The following THRB variants were observed in gnomAD, a reference collection of about 807,000 sequenced individuals.
THRB encodes the protein thyroid hormone receptor beta.
Under a neutral mutation model 47.8 loss-of-function variants are expected in THRB, and 12 were observed. The observed-to-expected ratio is 0.25, with a 90% CI of 0.16 to 0.41. The LOEUF is 0.41. Ranked by LOEUF, THRB falls within the 10% of genes least tolerant of loss-of-function variation. The pLI is 1.00. For synonymous variants in THRB, 218 were observed against 212.2 expected, an observed-to-expected ratio of 1.03 and a Z score of -0.24; for missense variants, 348 against 589.2, an observed-to-expected ratio of 0.59 and a Z score of 4.24.
intron 1 of THRB, among the ~76,000 whole-genome samples, chr3:24,373,556 C>A (rs1560045652): frequency 6.6e-6 from 1 of 152,086 alleles, no homozygotes; most frequent in Non-Finnish European, 1.5e-5. Context: ...GCCACACAGA[C>A]CTCGATGAGC....
At chr3:24,439,212 G>A (rs1410703390) in intron 1 of THRB, among the ~76,000 whole-genome samples, 1 of 152,144 alleles carries the variant, frequency 6.6e-6, no homozygotes, top group East Asian at 1.9e-4. Flanking sequence ...AGATGTCATT[G>A]TCAAGGGCAA....
At position 24,397,083 on chromosome 3, in the gene THRB, T is replaced by C. The variant is rs550508680; in HGVS notation, c.-260-59712A>G. ...CCAGGGAAACAATTAGAACTCAGCA[T>C]AGATATTATCATTTAAATTCAGTTT... is the stretch of plus-strand genomic sequence containing the variant. On this transcript the variant is annotated intron_variant, in intron 1 of 10. Coordinates refer to ENST00000646209, the MANE Select transcript of THRB (RefSeq NM_001354712.2). 2.0e-4 allele frequency among the ~76,000 whole-genome samples: 31 copies of C among 152,244 alleles called. No individual in the cohort carries two copies. The South Asian group carries it at 2.5e-3, about 12-fold the overall frequency.
intron 2 of THRB, among the ~76,000 whole-genome samples, chr3:24,332,839 G>T (rs1023931514): frequency 3.3e-5 from 5 of 152,080 alleles, no homozygotes; most frequent in African/African-American, 1.2e-4. Context: ...GGCGGATCAC[G>T]AGGTCAGGAG....
At position 24,155,813 on chromosome 3, in the gene THRB, A is replaced by T. The variant is rs368212521; in HGVS notation, c.284-3323T>A. 4.6e-5 allele frequency among the ~76,000 whole-genome samples: 7 copies of T among 152,300 alleles called. No individual in the cohort carries two copies. The East Asian group carries it at 1.2e-3, about 25-fold the overall frequency. ...TTCTGCCTAGAAACAAATACTACAG[A>T]CACAATCCTGGAAGCTACGACTGTT... On this transcript the variant is annotated intron_variant, in intron 5 of 10. Coordinates refer to ENST00000646209, the MANE Select transcript of THRB (RefSeq NM_001354712.2).
chr3:24,407,303 T>C (rs1262704668), intron 1 of THRB, among the ~76,000 whole-genome samples: 1 of 151,506 alleles, frequency 6.6e-6, no homozygotes, highest in Non-Finnish European at 1.5e-5. Context: ...CTGCTGATCC[T>C]GGGAAAGGTT....
At chr3:24,290,567 T>C (rs2055817841) in intron 3 of THRB, among the ~76,000 whole-genome samples, 1 of 152,342 alleles carries the variant, frequency 6.6e-6, no homozygotes, top group South Asian at 2.1e-4. Flanking sequence ...AAGTTTTGAT[T>C]CTCTGACAAC....
chr3:24,289,944 C>T (rs552728446), intron 3 of THRB, among the ~76,000 whole-genome samples: 2 of 152,136 alleles, frequency 1.3e-5, no homozygotes, highest in African/African-American at 2.4e-5. Context: ...CAGTGTCTTT[C>T]ATGAAAAACC....
At chr3:24,164,672 G>C (rs777787265) in intron 5 of THRB, among the ~76,000 whole-genome samples, 1 of 152,134 alleles carries the variant, frequency 6.6e-6, no homozygotes, top group Non-Finnish European at 1.5e-5. Context: ...CTGAACTAGA[G>C]AGAATTATCT....
chr3:24,219,825 G>A (rs2046976708), intron 4 of THRB, among the ~76,000 whole-genome samples: 1 of 152,188 alleles, frequency 6.6e-6, no homozygotes. Context: ...AAGATGGTTG[G>A]ATAGAACTTT....
At chr3:24,353,550 T>C (rs1275386560) in intron 1 of THRB, among the ~76,000 whole-genome samples, 1 of 152,164 alleles carries the variant, frequency 6.6e-6, no homozygotes, top group Non-Finnish European at 1.5e-5. Context: ...CTAGTTACTT[T>C]GTCACTTTCC....
intron 1 of THRB, among the ~76,000 whole-genome samples, chr3:24,358,474 C>CT (rs1417758920): frequency 1.3e-5 from 2 of 152,078 alleles, no homozygotes; most frequent in Non-Finnish European, 2.9e-5. Flanking sequence ...GTGTATTCAG[C>CT]TTTGTTATTT....
intron 4 of THRB, among the ~76,000 whole-genome samples, chr3:24,220,647 T>C (rs1048883480): frequency 6.6e-5 from 10 of 151,820 alleles, no homozygotes; most frequent in African/African-American, 2.4e-4. Context: ...TCTCTAGGAG[T>C]TTTGAGGGAG....
intron 3 of THRB, among the ~76,000 whole-genome samples, chr3:24,259,972 T>C (rs1054270306): frequency 6.6e-6 from 1 of 152,066 alleles, no homozygotes; most frequent in African/African-American, 2.4e-5. Context: ...ATTCACAGAG[T>C]TGTGTGGTCA....
chr3:24,387,260 G>A (rs918721164), intron 1 of THRB, among the ~76,000 whole-genome samples: 63 of 152,014 alleles, frequency 4.1e-4, no homozygotes, highest in Admixed American at 4.1e-3. Flanking sequence ...ATTCATTCAT[G>A]TCTTCCAAAT....
intron 4 of THRB, 127 bp from the exon 5 acceptor site, chr3:24,190,461 C>A (rs79864911): frequency 2.5e-6 from 3 of 1,200,956 alleles, no homozygotes; most frequent in African/African-American, 3.0e-5. Flanking sequence ...TGCCACTTGA[C>A]GGGAGTGATA....
At chr3:24,425,830 G>A (rs2069704807) in intron 1 of THRB, among the ~76,000 whole-genome samples, 2 of 151,924 alleles carry the variant, frequency 1.3e-5, no homozygotes, top group South Asian at 4.1e-4. Context: ...TAACCTCTCA[G>A]TGCTTTGGTT....
rs1241422080 is a variant in THRB, at chr3:24,120,482, G to C, written c.*2402C>G. 2.0e-5 allele frequency: 3 copies of C among 152,250 alleles called. No individual in the cohort carries two copies. The highest frequency in any genetic ancestry group is 4.4e-5 in the Non-Finnish European group (3 of 68,056). 9.4% of individuals were successfully genotyped at this position (152,250 alleles called of 1,614,324 possible). On this transcript the variant is annotated 3_prime_UTR_variant, in exon 11 of 11. Coordinates refer to ENST00000646209, the MANE Select transcript of THRB (RefSeq NM_001354712.2). ...TTCAAATCTGGGTGTCTGATGTACT[G>C]AGGACCCTGTCAAACAAAATGAGGA...
At chr3:24,146,184 A>G (rs916390594) in intron 7 of THRB, among the ~76,000 whole-genome samples, 1 of 152,214 alleles carries the variant, frequency 6.6e-6, no homozygotes, top group African/African-American at 2.4e-5. Context: ...ATTTCTGAAC[A>G]CGATGTTTTC....
At chr3:24,312,805 C>T (rs76764780) in intron 2 of THRB, among the ~76,000 whole-genome samples, 1,693 of 152,246 alleles carry the variant, frequency 0.011, 31 homozygotes, top group African/African-American at 0.039. Context: ...TATTTTTAGT[C>T]TAATGGAAAA....
Sources: allele counts gnomAD v4.1 joint callset (sites outside exome capture counted in the v4.1 genomes callset), GRCh38; gene constraint gnomAD v4.1.1; transcripts MANE v1.5; gene names NCBI Gene and HGNC (gene_info 2026-07-23, HGNC 2026-07-21).